CACNB4: variants seen among roughly 807,000 people sequenced by gnomAD.
CACNB4 encodes the protein calcium voltage-gated channel auxiliary subunit beta 4.
Under a neutral mutation model 71.2 loss-of-function variants are expected in CACNB4, and 32 were observed. The observed-to-expected ratio is 0.45, with a 90% CI of 0.34 to 0.60. The LOEUF (loss-of-function observed/expected upper bound fraction) is 0.60. Ranked by LOEUF, CACNB4 falls within the 20% of genes least tolerant of loss-of-function variation. The pLI, the probability that CACNB4 is intolerant of heterozygous loss-of-function variation, is 0.01. For synonymous variants in CACNB4, 231 were observed against 236.9 expected, an observed-to-expected ratio of 0.97 and a Z score of 0.23; for missense variants, 464 against 647.9, an observed-to-expected ratio of 0.72 and a Z score of 3.08.
intron 2 of CACNB4, among the ~76,000 whole-genome samples, chr2:151,918,396 G>C (rs1347677364): frequency 6.6e-6 from 1 of 152,162 alleles, no homozygotes; most frequent in Non-Finnish European, 1.5e-5. Context: ...GTTAGCAAGA[G>C]ACAAATCTGG....
Position 151,855,380 on chromosome 2 carries a change from A to C in CACNB4, c.869-5T>G, listed in dbSNP as rs796052289. ...CAATTTCACTTTGTACTTCCGCTTA[A>C]AGGAAAAATAATAAATAGATCCCGG... is the stretch of plus-strand genomic sequence containing the variant. On this transcript the variant is annotated splice_region_variant and splice_polypyrimidine_tract_variant and intron_variant, in intron 10 of 13. Coordinates refer to ENST00000539935, the MANE Select transcript of CACNB4 (RefSeq NM_000726.5). 1.5e-5 allele frequency: 23 copies of C among 1,574,504 alleles called. No individual in the cohort carries two copies. The highest frequency in any genetic ancestry group is 1.7e-5 in the Non-Finnish European group (20 of 1,149,276).
chr2:152,056,983 C>G (rs776896337), intron 2 of CACNB4, among the ~76,000 whole-genome samples: 154 of 152,154 alleles, frequency 1.0e-3, no homozygotes, highest in Non-Finnish European at 1.8e-3. Context: ...ATCTCCACCT[C>G]CCAGTATTCC....
Position 152,098,125 on chromosome 2 carries a change from C to A in CACNB4, c.147+205G>T, listed in dbSNP as rs1688377244. 6.6e-6 allele frequency among the ~76,000 whole-genome samples: 1 copy of A among 152,222 alleles called. No individual in the cohort carries two copies. Among genetic ancestry groups the A allele is most frequent in the Non-Finnish European group, 1.5e-5 (1 of 68,034 alleles). ...ACATGCACAAACTAACTTCCCGGGG[C>A]GGTGCGGAGACGCCGGGACGCGAAG... On this transcript the variant is annotated intron_variant, in intron 2 of 13. Transcript: ENST00000539935. This position sits in a 1 kb window ranked among gnomAD's most constrained non-coding sequence, Gnocchi z 5.3.
intron 12 of CACNB4, among the ~76,000 whole-genome samples, chr2:151,842,618 C>T (rs1415647365): frequency 6.6e-6 from 1 of 152,030 alleles, no homozygotes; most frequent in Non-Finnish European, 1.5e-5. Context: ...CAGGCATGAG[C>T]CACAGCGCCC....
At chr2:152,097,707 T>C (rs368630003) in intron 2 of CACNB4, among the ~76,000 whole-genome samples, 1 of 152,174 alleles carries the variant, frequency 6.6e-6, no homozygotes, top group Non-Finnish European at 1.5e-5. Flanking sequence ...AAACACGAAG[T>C]GAAGGCGCAC....
intron 2 of CACNB4, among the ~76,000 whole-genome samples, chr2:151,938,452 G>C (rs778391597): frequency 3.7e-4 from 56 of 152,164 alleles, no homozygotes; most frequent in Non-Finnish European, 6.5e-4. Context: ...TTCCAGAGTA[G>C]TGTTGTATCT....
intron 6 of CACNB4, chr2:151,872,189 G>A (rs2099844813): frequency 2.2e-6 from 1 of 459,306 alleles, no homozygotes; most frequent in Non-Finnish European, 3.9e-6. Flanking sequence ...TAACACTGAG[G>A]GGTAAATAAG....
chr2:152,022,724 A>C (rs185564957), intron 2 of CACNB4, among the ~76,000 whole-genome samples: 1 of 152,214 alleles, frequency 6.6e-6, no homozygotes, highest in African/African-American at 2.4e-5. Context: ...TTAATGAAAT[A>C]ACATAAAGCA....
At chr2:151,924,964 G>A (rs2099859867) in intron 2 of CACNB4, among the ~76,000 whole-genome samples, 1 of 152,020 alleles carries the variant, frequency 6.6e-6, no homozygotes, top group Non-Finnish European at 1.5e-5. Context: ...AAACAGAGCT[G>A]ATAATTCCAT....
At chr2:152,044,811 C>T (rs143412676) in intron 2 of CACNB4, among the ~76,000 whole-genome samples, 2 of 152,290 alleles carry the variant, frequency 1.3e-5, no homozygotes, top group Non-Finnish European at 2.9e-5. Context: ...CAACTGCTAC[C>T]GTGGGTCTCG....
chr2:151,843,768 T>C (rs544739174), intron 12 of CACNB4, among the ~76,000 whole-genome samples: 1 of 152,360 alleles, frequency 6.6e-6, no homozygotes, highest in South Asian at 2.1e-4. Context: ...ATTAGGTTAA[T>C]GGCAACTGGA....
intron 10 of CACNB4, among the ~76,000 whole-genome samples, chr2:151,855,922 T>A (rs897956445): frequency 6.6e-6 from 1 of 152,074 alleles, no homozygotes; most frequent in Non-Finnish European, 1.5e-5. Flanking sequence ...TTAAAACTAA[T>A]CATATTACTA....
chr2:152,050,624 G>T (rs1685374524), intron 2 of CACNB4, among the ~76,000 whole-genome samples: 1 of 152,162 alleles, frequency 6.6e-6, no homozygotes, highest in African/African-American at 2.4e-5. Flanking sequence ...GCTGAGGTAG[G>T]AGGATCACTT....
chr2:151,881,037 A>C (rs2099847687), intron 3 of CACNB4, 115 bp from the exon 4 acceptor site: 255 of 1,040,116 alleles, frequency 2.5e-4, no homozygotes, highest in Non-Finnish European at 3.2e-4. Context: ...GAGGGATCTC[A>C]AATGAGTTTT....
At chr2:151,961,362 C>T (rs148185182) in intron 2 of CACNB4, among the ~76,000 whole-genome samples, 6 of 152,348 alleles carry the variant, frequency 3.9e-5, no homozygotes, top group African/African-American at 9.6e-5. Flanking sequence ...CTTAGCTTAG[C>T]TTCTCAAGCT....
intron 2 of CACNB4, among the ~76,000 whole-genome samples, chr2:152,090,765 G>T (rs1360594650): frequency 6.6e-6 from 1 of 152,030 alleles, no homozygotes; most frequent in Admixed American, 6.6e-5. Flanking sequence ...GAAATTTAGG[G>T]TTGGGCATGA....
At chr2:152,077,300 A>ATC (rs1181151915) in intron 2 of CACNB4, among the ~76,000 whole-genome samples, 1 of 152,228 alleles carries the variant, frequency 6.6e-6, no homozygotes, top group East Asian at 1.9e-4. Context: ...CATGCCCGTA[A>ATC]TCACAACACT....
intron 2 of CACNB4, among the ~76,000 whole-genome samples, chr2:151,915,155 C>A (rs1475870871): frequency 2.0e-5 from 3 of 152,166 alleles, no homozygotes; most frequent in Admixed American, 2.0e-4. Context: ...CATCCAGATT[C>A]TGTCCCTAAG....
intron 2 of CACNB4, among the ~76,000 whole-genome samples, chr2:151,965,811 T>C (rs530799890): frequency 2.0e-5 from 3 of 152,264 alleles, no homozygotes; most frequent in South Asian, 4.1e-4. Context: ...ACCATGGGTA[T>C]TGGCAAGCGA....
Sources: gnomAD v4.1 joint callset for allele counts (sites outside exome capture counted in the v4.1 genomes callset) on GRCh38, gnomAD v4.1.1 for gene constraint, Gnocchi (gnomAD v3.1) non-coding constraint, MANE v1.5 for transcripts, NCBI Gene and HGNC (gene_info 2026-07-23, HGNC 2026-07-21) for gene names.